PPP1R15A: variants seen among roughly 807,000 people sequenced by gnomAD.
PPP1R15A encodes the protein growth arrest and DNA damage-inducible protein GADD34.
In PPP1R15A, 43 loss-of-function variants were observed where a neutral mutation model predicts 48.5. The ratio of observed to expected loss-of-function variants is 0.89; its 90% CI spans 0.69 to 1.14. The LOEUF (loss-of-function observed/expected upper bound fraction) is 1.14, where lower values mean the gene tolerates loss of function less well. Ranked by LOEUF, PPP1R15A falls within the 50% of genes most tolerant of loss-of-function variation. The pLI, the probability that PPP1R15A is intolerant of heterozygous loss-of-function variation, is 0.00. For missense variants in PPP1R15A, 868 were observed against 847.2 expected (o/e 1.02, Z -0.30); for synonymous variants, 327 against 327.4 (o/e 1.00, Z 0.01).
Position 48,874,485 on chromosome 19 carries a change from A to G in PPP1R15A, c.1252A>G (p.Thr418Ala). 6.2e-7 allele frequency: 1 copy of G among 1,604,398 alleles called. No homozygotes were observed. Among genetic ancestry groups the G allele is most frequent in the Non-Finnish European group, 8.5e-7 (1 of 1,177,116 alleles). The change falls in exon 2 of 3, where the codon ACT becomes GCT. Residue 418 changes from threonine to alanine, a missense_variant. Physicochemically the swap from Thr to Ala is moderately conservative, Grantham distance 58 (BLOSUM62 0). Coordinates refer to ENST00000200453, the MANE Select transcript of PPP1R15A (RefSeq NM_014330.5). ...GSAEDEREAETSASTPPASAF... is the reference protein window; with the variant it reads ...GSAEDEREAEASASTPPASAF... ...AGCCGAGGATGAAAGAGAAGCTGAG[A>G]CTTCTGCTTCCACACCCCCTGCAAG...
Position 48,876,005 on chromosome 19 carries a change from A to C in PPP1R15A, c.*32A>C. 1.3e-6 allele frequency: 2 copies of C among 1,513,014 alleles called. No homozygotes were observed. The highest frequency in any genetic ancestry group is 8.8e-7 in the Non-Finnish European group (1 of 1,130,730). The allele number at this position is 1,513,014 out of a possible 1,614,324, so 93.7% of individuals were successfully genotyped here. The stretch of plus-strand genomic sequence containing the variant: ...CTGGTTTGCCTATAATTTATTAACT[A>C]TTTATTTTTTCTAAGTGTGGGTTTA... On this transcript the variant is annotated 3_prime_UTR_variant, in exon 3 of 3. Coordinates refer to ENST00000200453, the MANE Select transcript of PPP1R15A (RefSeq NM_014330.5).
chr19:48,875,342 G>T (rs774374670), intron 2 of PPP1R15A: 1 of 523,030 alleles, frequency 1.9e-6, no homozygotes, highest in Non-Finnish European at 3.4e-6. Context: ...GGCTGTGTAC[G>T]CTGTCACGCA....
chr19:48,874,804 C>T lies in PPP1R15A; in HGVS notation c.1571C>T (p.Pro524Leu), dbSNP rs764936828. 2.5e-6 allele frequency: 4 copies of T among 1,613,884 alleles called. No homozygotes were observed. The South Asian group carries it at 4.4e-5, about 18-fold the overall frequency. ...GAGAAGCCACCGCCTCCCTGGGCTC[C>T]TCCTAGGCTGCCCCTCCGACTGCAA... is the stretch of plus-strand genomic sequence containing the variant. ...PGEKPPPPWA[P>L]PRLPLRLQRR... is the part of the protein sequence containing the mutation. The change falls in exon 2 of 3, where the codon CCT becomes CTT. Residue 524 changes from proline (P) to leucine (L), a missense_variant. Physicochemically the swap from Pro to Leu is moderately conservative, Grantham distance 98. Transcript: ENST00000200453.
intron 2 of PPP1R15A, 94 bp from the exon 3 acceptor site, chr19:48,875,520 T>A: frequency 6.9e-7 from 1 of 1,448,240 alleles, no homozygotes; most frequent in Non-Finnish European, 9.2e-7. Flanking sequence ...ATAACTAATT[T>A]TTGTTTGCTT....
chr19:48,873,080 G>A (rs937218681), intron 1 of PPP1R15A, 145 bp from the exon 2 acceptor site: 7 of 1,321,350 alleles, frequency 5.3e-6, no homozygotes, highest in Non-Finnish European at 4.9e-6. Flanking sequence ...GATGGGCGTG[G>A]CCGAGATCAG....
rs1193016880 is a variant in PPP1R15A at position 48,873,315 on chromosome 19, C to T, written c.82C>T (p.Leu28Phe). The T allele has an allele frequency of 2.6e-5, 41 of 1,605,614 alleles. No homozygotes were observed. The highest frequency in any genetic ancestry group is 3.2e-5 in the Non-Finnish European group (38 of 1,177,128). Residue 28 changes from leucine (L) to phenylalanine (F), a missense_variant, in exon 2 of 3, where the codon CTC (leucine) becomes TTC (phenylalanine). Coordinates refer to ENST00000200453, the MANE Select transcript of PPP1R15A (RefSeq NM_014330.5). ...CTTCCTCCTGTCCCCAGTGATGGGC[C>T]TCCTCAGCCGCGCCTGGAGCCGCCT... ...PFFLLSPVMGLLSRAWSRLRG... is the reference protein window; with the variant it reads ...PFFLLSPVMGFLSRAWSRLRG...
chr19:48,875,779 G>A lies in PPP1R15A; in HGVS notation c.1831G>A (p.Ala611Thr). The part of the protein sequence containing the change: ...EELSPCLTPA[A>T]RARAWARLRN... ...GCTGAGCCCCTGCCTCACCCCTGCT[G>A]CCCGGGCCAGAGCCTGGGCACGCCT... is the stretch of plus-strand genomic sequence containing the variant. Residue 611 changes from alanine to threonine, a missense_variant, in exon 3 of 3, where the codon GCC (alanine) becomes ACC (threonine). Physicochemically the swap from Ala to Thr is moderately conservative, Grantham distance 58. Coordinates refer to ENST00000200453, the MANE Select transcript of PPP1R15A (RefSeq NM_014330.5). 1 of 1,613,862 alleles carries A rather than the reference G, an allele frequency of 6.2e-7. No individual in the cohort carries two copies. The highest frequency in any genetic ancestry group is 8.5e-7 in the Non-Finnish European group (1 of 1,179,844).
chr19:48,873,104 ACT>A (rs2037028305), intron 1 of PPP1R15A, 119 bp from the exon 2 acceptor site: 2 of 1,361,150 alleles, frequency 1.5e-6, no homozygotes, highest in African/African-American at 2.9e-5. Flanking sequence ...GGAATTTGGG[ACT>A]CTCGCGTTGC....
rs530452035 is a variant in PPP1R15A at position 48,873,603 on chromosome 19, A to G, written c.370A>G (p.Thr124Ala). Residue 124 changes from threonine to alanine, a missense_variant, in exon 2 of 3, where the codon ACC becomes GCC. Coordinates refer to ENST00000200453, the MANE Select transcript of PPP1R15A (RefSeq NM_014330.5). The part of the protein sequence containing the change: ...DDGMYGEREA[T>A]SVPRGQGSQF... ...TGGCATGTATGGTGAGCGAGAGGCA[A>G]CCAGTGTCCCTAGAGGGCAGGGAAG... 6.2e-7 allele frequency: 1 copy of G among 1,614,164 alleles called. No individual in the cohort carries two copies.
chr19:48,874,801 C>T lies in PPP1R15A; in HGVS notation c.1568C>T (p.Ala523Val), dbSNP rs2037059841. The change falls in exon 2 of 3, where the codon GCT becomes GTT. Residue 523 changes from alanine (A) to valine (V), a missense_variant. Transcript: ENST00000200453. The stretch of plus-strand genomic sequence containing the variant: ...GGAGAGAAGCCACCGCCTCCCTGGG[C>T]TCCTCCTAGGCTGCCCCTCCGACTG... ...VPGEKPPPPW[A>V]PPRLPLRLQR... 3.1e-6 allele frequency: 5 copies of T among 1,613,756 alleles called. No homozygotes were observed. The African/African-American group carries it at 6.7e-5, about 22-fold the overall frequency.
At position 48,873,285 on chromosome 19, in the gene PPP1R15A, C is replaced by G. The variant is rs369896585; in HGVS notation, c.52C>G (p.Pro18Ala). 1.3e-6 allele frequency: 2 copies of G among 1,576,996 alleles called. No homozygotes were observed. The highest frequency in any genetic ancestry group is 1.4e-5 in the African/African-American group (1 of 73,162). ...GGCTACCCCGTGGAGGGATGCCCACCCTTTCTTCCTCCTGTCCCCAGTGAT... is the reference window on the plus strand; with the variant it reads ...GGCTACCCCGTGGAGGGATGCCCACGCTTTCTTCCTCCTGTCCCCAGTGAT... The part of the protein sequence containing the change: ...HQATPWRDAH[P>A]FFLLSPVMGL... The change falls in exon 2 of 3, where the codon CCT becomes GCT. Residue 18 changes from proline to alanine, a missense_variant. Coordinates refer to ENST00000200453, the MANE Select transcript of PPP1R15A (RefSeq NM_014330.5).
At position 48,872,489 on chromosome 19, in the gene PPP1R15A, C is replaced by T. The variant is rs2037019900; in HGVS notation, c.-172C>T. The T allele has an allele frequency of 2.2e-6, 1 of 456,384 alleles. No individual in the cohort carries two copies. Among genetic ancestry groups the T allele is most frequent in the African/African-American group, 2.0e-5 (1 of 50,072 alleles). The allele number at this position is 456,384 out of a possible 1,614,324, so 28.3% of individuals were successfully genotyped here. A position where few individuals can be genotyped will look rare whatever the true frequency, so the allele number is the denominator to read the frequency against. Reference sequence around the variant, plus strand: ...GCTGCACGACCCCGCGCCCGCTTGTCGCCACGGCACTTGAGGCAGCCGGAG... The same window carrying T: ...GCTGCACGACCCCGCGCCCGCTTGTTGCCACGGCACTTGAGGCAGCCGGAG... On this transcript the variant is annotated 5_prime_UTR_variant, in exon 1 of 3. Transcript: ENST00000200453.
intron 2 of PPP1R15A, chr19:48,875,271 G>A: frequency 2.8e-6 from 1 of 351,828 alleles, no homozygotes; most frequent in South Asian, 5.5e-5. Flanking sequence ...AAGGGGGCTG[G>A]GGGCCGAGAC....
At position 48,872,515 on chromosome 19, in the gene PPP1R15A, A is replaced by G; in HGVS notation, c.-146A>G. 1 of 456,454 alleles carries G rather than the reference A, an allele frequency of 2.2e-6. No individual in the cohort carries two copies. Among genetic ancestry groups the G allele is most frequent in the South Asian group, 1.5e-5 (1 of 64,550 alleles). The allele number at this position is 456,454 out of a possible 1,614,324, so 28.3% of individuals were successfully genotyped here. ...GCCACGGCACTTGAGGCAGCCGGAG[A>G]TACTCTGAGTTACTCGGAGCCCGAC... On this transcript the variant is annotated 5_prime_UTR_variant, in exon 1 of 3. Coordinates refer to ENST00000200453, the MANE Select transcript of PPP1R15A (RefSeq NM_014330.5).
chr19:48,875,443 A>G, intron 2 of PPP1R15A, 171 bp from the exon 3 acceptor site: 18 of 410,466 alleles, frequency 4.4e-5, no homozygotes, highest in Non-Finnish European at 6.0e-5. Context: ...TCAGTGAGTC[A>G]GATAGATAGA....
Position 48,873,758 on chromosome 19 carries a change from C to G in PPP1R15A, c.525C>G (p.Asn175Lys). The change falls in exon 2 of 3, where the codon AAC becomes AAG. Residue 175 changes from asparagine to lysine, a missense_variant. Coordinates refer to ENST00000200453, the MANE Select transcript of PPP1R15A (RefSeq NM_014330.5). ...EEGVAEEEGV[N>K]KFSYPPSHRE... is the part of the protein sequence containing the mutation. ...GAGTTGCTGAAGAGGAGGGAGTTAA[C>G]AAGTTCTCTTATCCACCATCACACC... 6.2e-7 allele frequency: 1 copy of G among 1,613,998 alleles called. No individual in the cohort carries two copies. Among genetic ancestry groups the G allele is most frequent in the South Asian group, 1.1e-5 (1 of 91,078 alleles).
At position 48,874,838 on chromosome 19, in the gene PPP1R15A, C is replaced by T. The variant is rs34457521; in HGVS notation, c.1605C>T (p.Leu535=). Reference sequence around the variant, plus strand: ...TGCCCCTCCGACTGCAAAGGCGGCTCAAGCGCCCAGAAACCCCTACTCATG... The same window carrying T: ...TGCCCCTCCGACTGCAAAGGCGGCTTAAGCGCCCAGAAACCCCTACTCATG... ...PRLPLRLQRR[L]KRPETPTHDP... The change falls in exon 2 of 3, where the codon CTC becomes CTT. Residue 535 remains leucine (L), a synonymous_variant. Transcript: ENST00000200453. 13,425 of 1,611,820 alleles carry T rather than the reference C, an allele frequency of 8.3e-3. 79 individuals are homozygous for T. Among genetic ancestry groups the T allele is most frequent in the Non-Finnish European group, 0.01 (11,823 of 1,179,494 alleles).
intron 2 of PPP1R15A, chr19:48,875,118 C>CGG (rs1209921429): frequency 2.0e-6 from 1 of 501,782 alleles, no homozygotes; most frequent in Admixed American, 3.9e-5. Context: ...TTAGTAGAGA[C>CGG]GGGGGTTTTG....
At position 48,873,536 on chromosome 19, in the gene PPP1R15A, C is replaced by A. The variant is rs201458751; in HGVS notation, c.303C>A (p.Ser101Arg). The part of the protein sequence containing the change: ...EDRETLGLKT[S>R]SSLPEAWGLL... ...GAGAAACACTGGGGCTGAAAACCAG[C>A]AGTTCCCTTCCTGAAGCCTGGGGAC... Residue 101 changes from serine (S) to arginine (R), a missense_variant, in exon 2 of 3, where the codon AGC becomes AGA. By Grantham distance (110) the Ser-to-Arg change is moderately radical. Transcript: ENST00000200453. The A allele has an allele frequency of 2.0e-5, 32 of 1,614,196 alleles. No individual in the cohort carries two copies. In the East Asian group the frequency reaches 7.1e-4, roughly 36 times the overall value.
Sources: gnomAD v4.1 joint callset for allele counts on GRCh38, gnomAD v4.1.1 for gene constraint, MANE v1.5 for transcripts, NCBI Gene and HGNC (gene_info 2026-07-23, HGNC 2026-07-21) for gene names.